The following KCNQ1 variants were observed in gnomAD, a reference collection of about 807,000 sequenced individuals.
KCNQ1 encodes potassium voltage-gated channel subfamily Q member 1, also known as potassium voltage-gated channel subfamily KQT member 1.
KCNQ1 carries 49 observed loss-of-function variants against 72.4 expected under a neutral mutation model. That is an observed-to-expected ratio of 0.68 (90% CI 0.54 to 0.86). The LOEUF is 0.86. KCNQ1 is among the 40% of genes least tolerant of loss of function. The pLI, the probability that KCNQ1 is intolerant of heterozygous loss-of-function variation, is 0.00. For synonymous variants in KCNQ1, 450 were observed against 412.6 expected (o/e 1.09, Z -1.10); for missense variants, 790 against 945.1 (o/e 0.84, Z 2.15).
Position 2,525,823 on chromosome 11 carries a change from A to G in KCNQ1, c.387-2105A>G, listed in dbSNP as rs544717908. Among the ~76,000 whole-genome samples the G allele has an allele frequency of 5.3e-5, 8 of 152,224 alleles. No individual in the cohort carries two copies. In the South Asian group the frequency reaches 1.0e-3, roughly 20 times the overall value. On this transcript the variant is annotated intron_variant, in intron 1 of 15. Coordinates refer to ENST00000155840, the MANE Select transcript of KCNQ1 (RefSeq NM_000218.3). Reference sequence around the variant, plus strand: ...CAGCAGCATTGGGGCTTAGAGATTAAATGAAGGAAGTCCCACGGGGCTGAT... The same window carrying G: ...CAGCAGCATTGGGGCTTAGAGATTAGATGAAGGAAGTCCCACGGGGCTGAT...
rs1176219037 is a variant in KCNQ1, at chr11:2,483,097, G to A, written c.386+37613G>A. On this transcript the variant is annotated intron_variant, in intron 1 of 15. Coordinates refer to ENST00000155840, the MANE Select transcript of KCNQ1 (RefSeq NM_000218.3). The surrounding 1 kb of genome is among the most constrained non-coding windows in gnomAD (Gnocchi z 6.1). The stretch of plus-strand genomic sequence containing the variant: ...GGAATTGAGGGAGTGGGTGGTGTGT[G>A]CTTCTGCAGGAAGAGCACCCAGACA... Among the ~76,000 whole-genome samples, 4 of 152,172 alleles carry A rather than the reference G, an allele frequency of 2.6e-5. No individual in the cohort carries two copies. Among genetic ancestry groups the A allele is most frequent in the Admixed American group, 2.6e-4 (4 of 15,280 alleles).
intron 2 of KCNQ1, among the ~76,000 whole-genome samples, chr11:2,530,130 G>A (rs1312718152): frequency 2.0e-5 from 3 of 152,092 alleles, no homozygotes; most frequent in Admixed American, 6.5e-5. Context: ...TTGGGGTGAG[G>A]CCGTCCTTCC....
chr11:2,594,893 C>G (rs1429265172), intron 10 of KCNQ1, among the ~76,000 whole-genome samples: 1 of 152,160 alleles, frequency 6.6e-6, no homozygotes, highest in African/African-American at 2.4e-5. Context: ...TTTTCTGACT[C>G]TTGCTCATGA....
chr11:2,564,319 C>T lies in KCNQ1; in HGVS notation c.478-6309C>T, dbSNP rs1248444270. Among the ~76,000 whole-genome samples, 8 of 152,288 alleles carry T rather than the reference C, an allele frequency of 5.3e-5. No homozygotes were observed. In the East Asian group the frequency reaches 7.7e-4, roughly 15 times the overall value. On this transcript the variant is annotated intron_variant, in intron 2 of 15. Coordinates refer to ENST00000155840, the MANE Select transcript of KCNQ1 (RefSeq NM_000218.3). The surrounding 1 kb of genome is among the most constrained non-coding windows in gnomAD (Gnocchi z 4.5). ...CATTATGGTGAAATATAAGGCCAGG[C>T]GCGGTGACTCATGCCTGCAATCCCA...
chr11:2,639,790 G>C (rs1849539464), intron 10 of KCNQ1: 1 of 152,512 alleles, frequency 6.6e-6, no homozygotes, highest in African/African-American at 2.4e-5. Flanking sequence ...CTTTTGTTCG[G>C]CTATGCTCTG....
At chr11:2,700,399 C>G (rs957474445) in intron 11 of KCNQ1, among the ~76,000 whole-genome samples, 5 of 152,142 alleles carry the variant, frequency 3.3e-5, no homozygotes, top group African/African-American at 1.2e-4. Context: ...CGCGTGAGGA[C>G]AGCGGCCGCA....
rs1261220807 is a variant in KCNQ1 at position 2,544,234 on chromosome 11, A to G, written c.477+16216A>G. On this transcript the variant is annotated intron_variant, in intron 2 of 15. Coordinates refer to ENST00000155840, the MANE Select transcript of KCNQ1 (RefSeq NM_000218.3). This position sits in a 1 kb window ranked among gnomAD's most constrained non-coding sequence, Gnocchi z 4.4. Reference sequence around the variant, plus strand: ...ATGAGATTATCTATCTCATATATATATATGTGTGTGTGTGTATATATATAT... The same window carrying G: ...ATGAGATTATCTATCTCATATATATGTATGTGTGTGTGTGTATATATATAT... 2.7e-5 allele frequency among the ~76,000 whole-genome samples: 4 copies of G among 147,282 alleles called. No individual in the cohort carries two copies. Among genetic ancestry groups the G allele is most frequent in the Non-Finnish European group, 4.4e-5 (3 of 67,538 alleles).
rs1279966283 is a variant in KCNQ1 at position 2,711,859 on chromosome 11, G to A, written c.1514+49778G>A. On this transcript the variant is annotated intron_variant, in intron 11 of 15. Transcript: ENST00000155840. This position sits in a 1 kb window ranked among gnomAD's most constrained non-coding sequence, Gnocchi z 5.4. ...CTGCTTCTGAGGAGGGTGCCTTTGA[G>A]GGGAGGCAGAGTTGGCTCACGGGAA... is the stretch of plus-strand genomic sequence containing the variant. 6.6e-6 allele frequency among the ~76,000 whole-genome samples: 1 copy of A among 152,160 alleles called. No individual in the cohort carries two copies. The highest frequency in any genetic ancestry group is 1.5e-5 in the Non-Finnish European group (1 of 68,022).
intron 1 of KCNQ1, among the ~76,000 whole-genome samples, chr11:2,448,059 C>T (rs969054361): frequency 6.6e-5 from 10 of 152,232 alleles, no homozygotes; most frequent in East Asian, 1.9e-4. Flanking sequence ...GTTGCTTGCG[C>T]CCCCACTGGG....
chr11:2,774,786 T>C (rs977804958), intron 12 of KCNQ1, among the ~76,000 whole-genome samples: 10 of 152,146 alleles, frequency 6.6e-5, no homozygotes, highest in African/African-American at 2.4e-4. Context: ...CACCCTGGTC[T>C]CAGGAGTAGG....
chr11:2,694,902 C>A (rs115305496), intron 11 of KCNQ1: 2 of 398,428 alleles, frequency 5.0e-6, no homozygotes, highest in African/African-American at 4.1e-5. Context: ...GGAAGATCAC[C>A]AGAAAAGACA....
intron 2 of KCNQ1, among the ~76,000 whole-genome samples, chr11:2,556,125 G>A (rs1332277176): frequency 2.0e-5 from 3 of 152,144 alleles, no homozygotes; most frequent in Admixed American, 1.3e-4. Flanking sequence ...GTTCCCGGTC[G>A]ACGCATCGCA....
chr11:2,676,537 G>T lies in KCNQ1; in HGVS notation c.1514+14456G>T. ...ACTTGGCAAAAGGCATAGAGGTAGT[G>T]GTACAGGAAAGGTCTAAGAAGGCTA... On this transcript the variant is annotated intron_variant, in intron 11 of 15. Coordinates refer to ENST00000155840, the MANE Select transcript of KCNQ1 (RefSeq NM_000218.3). This position sits in a 1 kb window ranked among gnomAD's most constrained non-coding sequence, Gnocchi z 4.2. The T allele has an allele frequency of 2.5e-6, 1 of 398,624 alleles. No individual in the cohort carries two copies. The highest frequency in any genetic ancestry group is 1.3e-4 in the South Asian group (1 of 7,854). The allele number at this position is 398,624 out of a possible 1,614,324, so 24.7% of individuals were successfully genotyped here. A position where few individuals can be genotyped will look rare whatever the true frequency, so the allele number is the denominator to read the frequency against.
In KCNQ1 at chr11:2,478,225, C is replaced by T. The variant is rs759841325; in HGVS notation, c.386+32741C>T. ...AGTGGCCTGAATACTTTGAAAATGC[C>T]AGGGCCAAAAAACGTAGAAGGCTAA... On this transcript the variant is annotated intron_variant, in intron 1 of 15. Transcript: ENST00000155840. The surrounding 1 kb of genome is among the most constrained non-coding windows in gnomAD (Gnocchi z 4.0). Among the ~76,000 whole-genome samples, 1 of 152,126 alleles carries T rather than the reference C, an allele frequency of 6.6e-6. No individual in the cohort carries two copies. Among genetic ancestry groups the T allele is most frequent in the Non-Finnish European group, 1.5e-5 (1 of 67,996 alleles).
chr11:2,819,900 T>G (rs1352515409), intron 15 of KCNQ1, among the ~76,000 whole-genome samples: 1 of 152,238 alleles, frequency 6.6e-6, no homozygotes, highest in Non-Finnish European at 1.5e-5. Flanking sequence ...ATTTTATTGA[T>G]ATGAAAGTAT....
intron 12 of KCNQ1, among the ~76,000 whole-genome samples, chr11:2,775,613 TGGG>T (rs569752382): frequency 6.6e-6 from 1 of 152,078 alleles, no homozygotes; most frequent in Admixed American, 6.5e-5. Flanking sequence ...CTTGACCCCT[TGGG>T]GGGGCCAGCT....
intron 6 of KCNQ1, among the ~76,000 whole-genome samples, chr11:2,574,647 C>T (rs1215925898): frequency 6.6e-6 from 1 of 152,218 alleles, no homozygotes; most frequent in African/African-American, 2.4e-5. Context: ...AGGCACGTGT[C>T]CCTGCGATTG....
intron 1 of KCNQ1, among the ~76,000 whole-genome samples, chr11:2,453,623 T>A (rs879872529): frequency 1.1e-4 from 17 of 152,206 alleles, no homozygotes; most frequent in Non-Finnish European, 2.2e-4. Flanking sequence ...AGGTCCCTTC[T>A]GGCTGGCAGA....
At chr11:2,496,497 T>TTTTTTTTTTTTTTTTG in intron 1 of KCNQ1, among the ~76,000 whole-genome samples, 2 of 95,496 alleles carry the variant, frequency 2.1e-5, no homozygotes, top group African/African-American at 4.6e-5. Context: ...AACCCCTGCT[T>TTTTTTTTTTTTTTTTG]TTTTTTTTTT....
Sources: allele counts gnomAD v4.1 joint callset (sites outside exome capture counted in the v4.1 genomes callset), GRCh38; gene constraint gnomAD v4.1.1; non-coding constraint Gnocchi (gnomAD v3.1); transcripts MANE v1.5; gene names NCBI Gene and HGNC (gene_info 2026-07-23, HGNC 2026-07-21).